Variants in TMEM135 observed in about 807,000 individuals in gnomAD.
TMEM135 encodes transmembrane protein 135.
TMEM135 carries 30 observed loss-of-function variants against 60.3 expected under a neutral mutation model. The observed-to-expected ratio is 0.50, with a 90% CI of 0.37 to 0.68. The LOEUF (loss-of-function observed/expected upper bound fraction) is 0.68, where lower values mean the gene tolerates loss of function less well. Ranked by LOEUF, TMEM135 falls within the 30% of genes least tolerant of loss-of-function variation. TMEM135 has a pLI of 0.00. For missense variants in TMEM135, 468 were observed against 548.8 expected, an observed-to-expected ratio of 0.85 and a Z score of 1.47; for synonymous variants, 190 against 186.7, an observed-to-expected ratio of 1.02 and a Z score of -0.14.
intron 5 of TMEM135, among the ~76,000 whole-genome samples, chr11:87,166,130 A>C (rs535791987): frequency 6.6e-6 from 1 of 151,686 alleles, no homozygotes; most frequent in East Asian, 1.9e-4. Context: ...TCTTTTGAGA[A>C]GTGTCTGTTC....
intron 5 of TMEM135, among the ~76,000 whole-genome samples, chr11:87,217,237 C>G (rs1940521148): frequency 6.6e-6 from 1 of 152,144 alleles, no homozygotes; most frequent in East Asian, 1.9e-4. Context: ...TTCTCTATAT[C>G]CCATGAATGG....
chr11:87,195,321 CCTTCCTTCCTT>C (rs1939912601), intron 5 of TMEM135, among the ~76,000 whole-genome samples: 1 of 13,184 alleles, frequency 7.6e-5, no homozygotes, highest in Non-Finnish European at 2.0e-4. Flanking sequence ...CTCTTTCCTT[CCTTCCTTCCTT>C]CCTTCCTTCC....
intron 4 of TMEM135, among the ~76,000 whole-genome samples, chr11:87,144,199 T>A (rs1435093796): frequency 6.6e-6 from 1 of 152,120 alleles, no homozygotes; most frequent in Non-Finnish European, 1.5e-5. Context: ...AGTTATTGCT[T>A]ATTAAAAAAA....
intron 5 of TMEM135, among the ~76,000 whole-genome samples, chr11:87,164,638 C>T (rs1199222699): frequency 1.0e-5 from 1 of 97,792 alleles, no homozygotes; most frequent in Non-Finnish European, 1.9e-5. Context: ...GCAGTATGGC[C>T]GTTTTCACGA....
At chr11:87,056,596 G>A (rs977894871) in intron 1 of TMEM135, among the ~76,000 whole-genome samples, 1 of 152,236 alleles carries the variant, frequency 6.6e-6, no homozygotes, top group South Asian at 2.1e-4. Flanking sequence ...ATGTGTTGAA[G>A]TGCAGTTTAA....
At chr11:87,102,692 GTATATATATA>G (rs947250714) in intron 4 of TMEM135, among the ~76,000 whole-genome samples, 1 of 90,388 alleles carries the variant, frequency 1.1e-5, no homozygotes, top group Non-Finnish European at 2.0e-5. Context: ...ATATGTGTGT[GTATATATATA>G]TGTATATATA....
chr11:87,314,615 C>A, intron 12 of TMEM135, 68 bp downstream of exon 12: 1 of 1,289,848 alleles, frequency 7.8e-7, no homozygotes, highest in South Asian at 1.2e-5. Flanking sequence ...ACTGTTTTAG[C>A]AGCAAATGTA....
chr11:87,128,005 A>C (rs1332502977), intron 4 of TMEM135, among the ~76,000 whole-genome samples: 1 of 152,154 alleles, frequency 6.6e-6, no homozygotes, highest in Non-Finnish European at 1.5e-5. Context: ...TAGGCAAATA[A>C]GTGTTCTATC....
intron 6 of TMEM135, among the ~76,000 whole-genome samples, chr11:87,262,459 T>G (rs1227273468): frequency 6.6e-6 from 1 of 152,262 alleles, no homozygotes; most frequent in African/African-American, 2.4e-5. Context: ...ACCTCATTTT[T>G]GCTGTACTTT....
chr11:87,252,866 A>G (rs1007734201), intron 6 of TMEM135, among the ~76,000 whole-genome samples: 1 of 151,050 alleles, frequency 6.6e-6, no homozygotes, highest in Non-Finnish European at 1.5e-5. Context: ...TGAAGCCATT[A>G]TTCCTCAGAA....
At chr11:87,120,472 CTT>C (rs541561365) in intron 4 of TMEM135, among the ~76,000 whole-genome samples, 7 of 104,210 alleles carry the variant, frequency 6.7e-5, no homozygotes, top group African/African-American at 1.1e-4. Context: ...GATGAAATTT[CTT>C]TTTTTTTTTT....
At chr11:87,233,364 G>A (rs1411112720) in intron 5 of TMEM135, among the ~76,000 whole-genome samples, 1 of 152,016 alleles carries the variant, frequency 6.6e-6, no homozygotes, top group Non-Finnish European at 1.5e-5. Flanking sequence ...ACTATTATAT[G>A]CTGCCTACAA....
At chr11:87,284,307 A>G (rs573280787) in intron 6 of TMEM135, among the ~76,000 whole-genome samples, 3 of 152,326 alleles carry the variant, frequency 2.0e-5, no homozygotes, top group South Asian at 4.1e-4. Context: ...TCTGATTAAC[A>G]TTTCTTTTAG....
intron 8 of TMEM135, 109 bp from the exon 9 acceptor site, chr11:87,305,827 C>CTCT (rs1554987167): frequency 4.2e-4 from 176 of 420,824 alleles, no homozygotes; most frequent in Non-Finnish European, 5.8e-4. Flanking sequence ...TCTTCTCTCT[C>CTCT]TTTTTTTTTT....
At chr11:87,081,951 C>T (rs1036588977) in intron 3 of TMEM135, among the ~76,000 whole-genome samples, 1 of 152,028 alleles carries the variant, frequency 6.6e-6, no homozygotes, top group African/African-American at 2.4e-5. Context: ...TTATTGAACT[C>T]TTTGTGTATG....
intron 4 of TMEM135, among the ~76,000 whole-genome samples, chr11:87,137,444 A>G (rs1191429342): frequency 6.6e-6 from 1 of 152,176 alleles, no homozygotes; most frequent in Non-Finnish European, 1.5e-5. Flanking sequence ...TATTTATCAC[A>G]TATGCTAAGT....
intron 4 of TMEM135, among the ~76,000 whole-genome samples, chr11:87,146,324 GCCTGAGGGAATGT>G (rs765195417): frequency 0.37 from 55,778 of 151,938 alleles, 10,752 homozygotes; most frequent in East Asian, 0.67. Context: ...TTTGAGATCA[GCCTGAGGGAATGT>G]AGTGAGACTC....
At chr11:87,207,976 C>T (rs1469079303) in intron 5 of TMEM135, among the ~76,000 whole-genome samples, 1 of 152,054 alleles carries the variant, frequency 6.6e-6, no homozygotes, top group Non-Finnish European at 1.5e-5. Flanking sequence ...CTCAGCCTTG[C>T]CCCCTAAAAA....
Position 87,326,137 on chromosome 11 carries a change from C to G in TMEM135, c.*4804C>G, listed in dbSNP as rs1444775443. ...TTTGTGCCATACTCTCCCCCACCCCCAGCCTGCTGCCTCTGCAGAGCATAA... is the reference window on the plus strand; with the variant it reads ...TTTGTGCCATACTCTCCCCCACCCCGAGCCTGCTGCCTCTGCAGAGCATAA... On this transcript the variant is annotated 3_prime_UTR_variant, in exon 15 of 15. Coordinates refer to ENST00000305494, the MANE Select transcript of TMEM135 (RefSeq NM_022918.4). The G allele has an allele frequency of 4.4e-6, 2 of 453,830 alleles. No homozygotes were observed. Among genetic ancestry groups the G allele is most frequent in the African/African-American group, 4.0e-5 (2 of 49,938 alleles). The allele number at this position is 453,830 out of a possible 1,614,324, so 28.1% of individuals were successfully genotyped here.
Sources: gnomAD v4.1 joint callset for allele counts (sites outside exome capture counted in the v4.1 genomes callset) on GRCh38, gnomAD v4.1.1 for gene constraint, MANE v1.5 for transcripts, NCBI Gene and HGNC (gene_info 2026-07-23, HGNC 2026-07-21) for gene names.